Variants in ALOX5 observed in about 807,000 individuals in gnomAD.
The protein encoded by ALOX5 is polyunsaturated fatty acid 5-lipoxygenase.
ALOX5 carries 64 observed loss-of-function variants against 87.9 expected under a neutral mutation model. That is an observed-to-expected ratio of 0.73 (90% confidence interval 0.60 to 0.90). ALOX5 has a LOEUF of 0.90. Ranked by LOEUF, ALOX5 falls within the 40% of genes least tolerant of loss-of-function variation. The probability of loss-of-function intolerance (pLI) is 0.00; values close to 1 mark genes in which losing one functional copy is unlikely to be tolerated. For missense variants in ALOX5, 822 were observed against 907.5 expected (o/e 0.91, Z 1.21); for synonymous variants, 388 against 355.1 (o/e 1.09, Z -1.04).
intron 2 of ALOX5, among the ~76,000 whole-genome samples, chr10:45,386,349 C>G (rs1330762546): frequency 6.6e-6 from 1 of 151,688 alleles, no homozygotes; most frequent in Non-Finnish European, 1.5e-5. Context: ...GCCTATAGTC[C>G]CAACTACTTA....
In ALOX5 at chr10:45,444,603, G is replaced by A; in HGVS notation, c.1845+317G>A. ...TGTGTTTTACCCTGGTACTCCAGAG[G>A]GAATGACCAAGAGTTTCCTGGGTTC... On this transcript the variant is annotated intron_variant, in intron 13 of 13. Transcript: ENST00000374391. The A allele has an allele frequency of 8.2e-6, 3 of 365,116 alleles. No homozygotes were observed. In the South Asian group the frequency reaches 2.2e-4, roughly 26 times the overall value. 22.6% of individuals were successfully genotyped at this position (365,116 alleles called of 1,614,324 possible). A position where few individuals can be genotyped will look rare whatever the true frequency, so the allele number is the denominator to read the frequency against.
At chr10:45,440,326 A>G (rs1842187966) in intron 7 of ALOX5, 104 bp from the exon 8 acceptor site, 1 of 1,273,002 alleles carries the variant, frequency 7.9e-7, no homozygotes, top group African/African-American at 1.5e-5. Flanking sequence ...GTCACTGTTA[A>G]AGAAATTCAG....
chr10:45,374,437 C>A lies in ALOX5; in HGVS notation c.150+8C>A, dbSNP rs749386175. The A allele has an allele frequency of 1.3e-6, 2 of 1,542,406 alleles. No individual in the cohort carries two copies. Among genetic ancestry groups the A allele is most frequent in the South Asian group, 1.2e-5 (1 of 82,114 alleles). ...GACTTCGAGCGTGGCGCGGTGAGCG[C>A]GGGCGGGGCACGGGTGGAGCGCGGG... On this transcript the variant is annotated splice_region_variant and intron_variant, in intron 1 of 13. Transcript: ENST00000374391.
chr10:45,417,432 AC>A (rs1841336666), intron 4 of ALOX5, among the ~76,000 whole-genome samples: 1 of 151,632 alleles, frequency 6.6e-6, no homozygotes, highest in Non-Finnish European at 1.5e-5. Context: ...GGGCCTCCCC[AC>A]CCCCCACATA....
intron 2 of ALOX5, among the ~76,000 whole-genome samples, chr10:45,388,687 A>G (rs146188136): frequency 0.016 from 2,440 of 152,366 alleles, 62 homozygotes; most frequent in African/African-American, 0.057. Context: ...CCAAAACCCC[A>G]TCTGTACGTC....
Position 45,413,942 on chromosome 10 carries a change from A to G in ALOX5, c.554+1629A>G, listed in dbSNP as rs1245905003. Among the ~76,000 whole-genome samples the G allele has an allele frequency of 2.0e-5, 3 of 152,222 alleles. No homozygotes were observed. The East Asian group carries it at 5.8e-4, about 29-fold the overall frequency. On this transcript the variant is annotated intron_variant, in intron 4 of 13. Coordinates refer to ENST00000374391, the MANE Select transcript of ALOX5 (RefSeq NM_000698.5). Reference sequence around the variant, plus strand: ...CCACTGCTCAACAAAATAAAAGAGGACACAAACAAATGGAAGAACATTCCA... The same window carrying G: ...CCACTGCTCAACAAAATAAAAGAGGGCACAAACAAATGGAAGAACATTCCA...
intron 8 of ALOX5, among the ~76,000 whole-genome samples, chr10:45,441,116 T>C (rs1275024162): frequency 6.6e-6 from 1 of 152,226 alleles, no homozygotes; most frequent in Non-Finnish European, 1.5e-5. Flanking sequence ...GTAAGCATTG[T>C]ACAAGTGCTG....
intron 4 of ALOX5, among the ~76,000 whole-genome samples, chr10:45,412,676 A>G (rs1416222194): frequency 1.3e-5 from 2 of 152,148 alleles, no homozygotes; most frequent in Non-Finnish European, 1.5e-5. Context: ...GTGCTATGGT[A>G]AGAATGGCCA....
At chr10:45,398,016 G>C (rs898800821) in intron 3 of ALOX5, among the ~76,000 whole-genome samples, 1 of 152,142 alleles carries the variant, frequency 6.6e-6, no homozygotes, top group East Asian at 1.9e-4. Context: ...TATGGAAATG[G>C]AAGGGACCCA....
intron 3 of ALOX5, among the ~76,000 whole-genome samples, chr10:45,411,410 G>A (rs892479154): frequency 6.6e-6 from 1 of 152,078 alleles, no homozygotes; most frequent in Non-Finnish European, 1.5e-5. Context: ...GAGTTGCTGT[G>A]GTTCAAACAC....
chr10:45,432,027 G>A (rs1243281937), intron 7 of ALOX5, among the ~76,000 whole-genome samples: 2 of 151,606 alleles, frequency 1.3e-5, no homozygotes, highest in East Asian at 3.9e-4. Context: ...ATCTTTCTTG[G>A]TGGGGGTGTG....
intron 4 of ALOX5, among the ~76,000 whole-genome samples, chr10:45,416,075 C>T (rs936008145): frequency 2.6e-5 from 4 of 152,194 alleles, no homozygotes; most frequent in Non-Finnish European, 4.4e-5. Context: ...AGCAGGTAGA[C>T]GAGGCTGAGA....
At chr10:45,443,003 G>A (rs1027892958) in intron 9 of ALOX5, 35 bp from the exon 10 acceptor site, 11 of 1,589,136 alleles carry the variant, frequency 6.9e-6, no homozygotes, top group Non-Finnish European at 8.6e-6. Flanking sequence ...TGTGGGAGGA[G>A]CCACCCGCTC....
At position 45,421,830 on chromosome 10, in the gene ALOX5, T is replaced by TA. The variant is rs529773741; in HGVS notation, c.555-2210dup. Among the ~76,000 whole-genome samples the TA allele has an allele frequency of 1.5e-3, 231 of 152,300 alleles. 1 individual carries two copies. The highest frequency in any genetic ancestry group is 4.2e-3 in the African/African-American group (176 of 41,574). ...GTGCTGTAGCACTGAGCACCTACTG[T>TA]ATGCAGCCCATCACAAAGCCAGCCA... On this transcript the variant is annotated intron_variant, in intron 4 of 13. Coordinates refer to ENST00000374391, the MANE Select transcript of ALOX5 (RefSeq NM_000698.5).
At chr10:45,392,499 C>CTT (rs1840322963) in intron 2 of ALOX5, among the ~76,000 whole-genome samples, 1 of 151,626 alleles carries the variant, frequency 6.6e-6, no homozygotes, top group East Asian at 1.9e-4. Flanking sequence ...TAAACAGATG[C>CTT]TTGAAGGCAG....
At chr10:45,411,486 A>G (rs1279349973) in intron 3 of ALOX5, among the ~76,000 whole-genome samples, 1 of 152,268 alleles carries the variant, frequency 6.6e-6, no homozygotes, top group African/African-American at 2.4e-5. Flanking sequence ...AACATTTTTC[A>G]AAAACACAAA....
In ALOX5 at chr10:45,443,083, G is replaced by A. The variant is rs779279218; in HGVS notation, c.1318G>A (p.Ala440Thr). 6.2e-7 allele frequency: 1 copy of A among 1,613,728 alleles called. No individual in the cohort carries two copies. Among genetic ancestry groups the A allele is most frequent in the Non-Finnish European group, 8.5e-7 (1 of 1,179,984 alleles). ...GGGHVQMVQR[A>T]MKDLTYASLC... is the part of the protein sequence containing the mutation. ...TGGGCACGTGCAGATGGTGCAGAGGGCCATGAAGGACCTGACCTATGCCTC... is the reference window on the plus strand; with the variant it reads ...TGGGCACGTGCAGATGGTGCAGAGGACCATGAAGGACCTGACCTATGCCTC... Residue 440 changes from alanine to threonine, a missense_variant, in exon 10 of 14, where the codon GCC (alanine) becomes ACC (threonine). Transcript: ENST00000374391.
chr10:45,430,060 G>T (rs1396591492), intron 7 of ALOX5, among the ~76,000 whole-genome samples: 2 of 152,194 alleles, frequency 1.3e-5, no homozygotes, highest in African/African-American at 4.8e-5. Flanking sequence ...CTGTGCCTAA[G>T]AAACTGAAGC....
intron 4 of ALOX5, among the ~76,000 whole-genome samples, chr10:45,413,891 A>G (rs1464459872): frequency 6.6e-6 from 1 of 152,236 alleles, no homozygotes; most frequent in East Asian, 1.9e-4. Context: ...AGGGATGTGA[A>G]GGACCTCTTC....
Sources: allele counts gnomAD v4.1 joint callset (sites outside exome capture counted in the v4.1 genomes callset), GRCh38; gene constraint gnomAD v4.1.1; transcripts MANE v1.5; gene names NCBI Gene and HGNC (gene_info 2026-07-23, HGNC 2026-07-21).